CADM2: variants seen among roughly 807,000 people sequenced by gnomAD.
CADM2 encodes immunoglobulin superfamily member 4D.
In CADM2, 12 loss-of-function variants were observed where a neutral mutation model predicts 49.8. The observed-to-expected ratio is 0.24, with a 90% confidence interval of 0.15 to 0.39. The LOEUF (loss-of-function observed/expected upper bound fraction) is 0.39. Among genes scored for constraint, CADM2 ranks in the 10% least tolerant of loss-of-function variants. The pLI is 1.00. For missense variants in CADM2, 378 were observed against 492.3 expected (o/e 0.77, Z 2.20); for synonymous variants, 214 against 175.4 (o/e 1.22, Z -1.74).
intron 1 of CADM2, among the ~76,000 whole-genome samples, chr3:85,157,593 G>A (rs1377685873): frequency 1.3e-5 from 2 of 152,128 alleles, no homozygotes; most frequent in African/African-American, 4.8e-5. Context: ...TTGAGTAAAG[G>A]ATTCCCTATT....
chr3:85,511,837 T>C (rs1354263193), intron 1 of CADM2: 3 of 975,950 alleles, frequency 3.1e-6, no homozygotes, highest in Non-Finnish European at 3.7e-6. Flanking sequence ...AATGGCATGT[T>C]TTATTTCTTT....
intron 6 of CADM2, among the ~76,000 whole-genome samples, chr3:85,920,928 C>T (rs190164121): frequency 6.9e-4 from 105 of 151,586 alleles, no homozygotes; most frequent in African/African-American, 1.9e-3. Flanking sequence ...TCATCAAGTA[C>T]GCATTTATAA....
At chr3:85,972,546 G>A (rs1052089561) in intron 8 of CADM2, among the ~76,000 whole-genome samples, 3 of 151,736 alleles carry the variant, frequency 2.0e-5, no homozygotes, top group Admixed American at 1.3e-4. Context: ...TTGAACACTA[G>A]TCCTTGGAGA....
intron 1 of CADM2, among the ~76,000 whole-genome samples, chr3:85,432,708 T>C (rs978889432): frequency 4.6e-5 from 7 of 152,176 alleles, no homozygotes; most frequent in African/African-American, 7.2e-5. Flanking sequence ...GAAATGTCAG[T>C]AACATATATT....
chr3:85,660,751 TA>T (rs2065376099), intron 1 of CADM2, among the ~76,000 whole-genome samples: 1 of 152,038 alleles, frequency 6.6e-6, no homozygotes. Context: ...CTTCAAGGTT[TA>T]AAAATAACAT....
intron 1 of CADM2, among the ~76,000 whole-genome samples, chr3:85,155,637 A>AT (rs1380033126): frequency 6.6e-6 from 1 of 151,928 alleles, no homozygotes; most frequent in African/African-American, 2.4e-5. Flanking sequence ...CAGAATATAC[A>AT]TTTTTTTCAG....
At chr3:85,453,268 A>G (rs189305538) in intron 1 of CADM2, among the ~76,000 whole-genome samples, 3 of 152,058 alleles carry the variant, frequency 2.0e-5, no homozygotes, top group African/African-American at 7.2e-5. Flanking sequence ...GCATAGTATA[A>G]TAAAGTGGAT....
At chr3:85,581,992 A>T (rs1972994) in intron 1 of CADM2, among the ~76,000 whole-genome samples, 107,044 of 151,878 alleles carry the variant, frequency 0.7, 38,121 homozygotes, top group East Asian at 0.93. Context: ...AGTGGTGTGA[A>T]CTCTGCTCAC....
At chr3:85,921,849 C>T (rs1039117434) in intron 6 of CADM2, among the ~76,000 whole-genome samples, 4 of 151,954 alleles carry the variant, frequency 2.6e-5, no homozygotes, top group African/African-American at 9.7e-5. Context: ...TTTACTTCTC[C>T]CACAAGACCT....
At chr3:85,566,338 T>G (rs899858131) in intron 1 of CADM2, among the ~76,000 whole-genome samples, 1 of 152,108 alleles carries the variant, frequency 6.6e-6, no homozygotes, top group Non-Finnish European at 1.5e-5. Context: ...GTGATTTTTT[T>G]TTTACATAGT....
chr3:85,069,370 C>T (rs1033093969), intron 1 of CADM2, among the ~76,000 whole-genome samples: 2 of 152,016 alleles, frequency 1.3e-5, no homozygotes, highest in African/African-American at 2.4e-5. Flanking sequence ...CCAAAAACCA[C>T]AGAAGATTAA....
chr3:86,047,468 A>G (rs1293625672), intron 8 of CADM2, among the ~76,000 whole-genome samples: 1 of 152,180 alleles, frequency 6.6e-6, no homozygotes, highest in Admixed American at 6.6e-5. Flanking sequence ...CAGAGAAGTC[A>G]GGAAATGAGT....
chr3:85,911,624 A>T (rs545972601), intron 5 of CADM2, among the ~76,000 whole-genome samples: 1 of 152,260 alleles, frequency 6.6e-6, no homozygotes, highest in South Asian at 2.1e-4. Flanking sequence ...CACATTGTTC[A>T]TGTTAAAGTT....
intron 1 of CADM2, among the ~76,000 whole-genome samples, chr3:85,381,120 T>C (rs2033880043): frequency 6.6e-6 from 1 of 152,074 alleles, no homozygotes; most frequent in Admixed American, 6.6e-5. Flanking sequence ...TATGTGTGTA[T>C]GTGTATGTAC....
intron 1 of CADM2, among the ~76,000 whole-genome samples, chr3:85,025,599 A>C (rs1398829049): frequency 6.6e-6 from 1 of 152,204 alleles, no homozygotes; most frequent in Admixed American, 6.5e-5. Flanking sequence ...AGGAATATTC[A>C]CAAACATTGA....
chr3:85,085,479 A>G (rs775345062), intron 1 of CADM2, among the ~76,000 whole-genome samples: 4 of 152,094 alleles, frequency 2.6e-5, no homozygotes, highest in South Asian at 2.1e-4. Flanking sequence ...GTTTGTGTAC[A>G]CACCACATTT....
chr3:85,193,249 A>G (rs2041252956), intron 1 of CADM2, among the ~76,000 whole-genome samples: 1 of 152,044 alleles, frequency 6.6e-6, no homozygotes, highest in South Asian at 2.1e-4. Context: ...AGAAAGAATG[A>G]TATCAAGGAT....
intron 1 of CADM2, among the ~76,000 whole-genome samples, chr3:85,524,473 C>G (rs1465827098): frequency 1.3e-5 from 2 of 152,008 alleles, no homozygotes; most frequent in African/African-American, 4.8e-5. Flanking sequence ...AAAAAACTTT[C>G]TGCCATTGTT....
At chr3:85,428,671 A>G (rs2036531286) in intron 1 of CADM2, among the ~76,000 whole-genome samples, 1 of 144,514 alleles carries the variant, frequency 6.9e-6, no homozygotes, top group African/African-American at 2.6e-5. Flanking sequence ...TATATCATAT[A>G]TAATATATCA....
Sources: allele counts gnomAD v4.1 joint callset (sites outside exome capture counted in the v4.1 genomes callset), GRCh38; gene constraint gnomAD v4.1.1; transcripts MANE v1.5; gene names NCBI Gene and HGNC (gene_info 2026-07-23, HGNC 2026-07-21).